GUCY1A2: variants seen among roughly 807,000 people sequenced by gnomAD.
The protein encoded by GUCY1A2 is guanylate cyclase 1 soluble subunit alpha 2.
A neutral mutation model predicts 63.5 loss-of-function variants in GUCY1A2; 27 were observed. The ratio of observed to expected loss-of-function variants is 0.43; its 90% CI spans 0.31 to 0.59. The LOEUF (loss-of-function observed/expected upper bound fraction) is 0.59. Among genes scored for constraint, GUCY1A2 ranks in the 20% least tolerant of loss-of-function variants. The pLI is 0.11. For synonymous variants in GUCY1A2, 364 were observed against 343.5 expected (o/e 1.06, Z -0.66); for missense variants, 768 against 913.3 (o/e 0.84, Z 2.05).
chr11:106,922,154 T>C (rs150111212), intron 4 of GUCY1A2, among the ~76,000 whole-genome samples: 2 of 152,278 alleles, frequency 1.3e-5, no homozygotes, highest in East Asian at 3.9e-4. Context: ...CCACAGCATA[T>C]GGGAAATCAG....
chr11:106,954,496 T>A (rs566266912), intron 3 of GUCY1A2, among the ~76,000 whole-genome samples: 1 of 152,188 alleles, frequency 6.6e-6, no homozygotes, highest in African/African-American at 2.4e-5. Flanking sequence ...TGATCTAGGG[T>A]AGAGAGTTCC....
rs112453006 is a variant in GUCY1A2 at position 106,828,142 on chromosome 11, G to A, written c.1207-17664C>T. Among the ~76,000 whole-genome samples the A allele has an allele frequency of 5.9e-5, 9 of 151,522 alleles. 1 individual carries two copies. The highest frequency in any genetic ancestry group is 2.1e-4 in the South Asian group (1 of 4,820). On this transcript the variant is annotated intron_variant, in intron 4 of 7. Coordinates refer to ENST00000526355, the MANE Select transcript of GUCY1A2 (RefSeq NM_000855.3). ...GCATAATTCGCAAATATTTTCTCCC[G>A]TTCTGTTGTCTGTTTGTTGATTTTT...
At chr11:106,977,026 C>T (rs1468710274) in intron 3 of GUCY1A2, among the ~76,000 whole-genome samples, 1 of 152,150 alleles carries the variant, frequency 6.6e-6, no homozygotes, top group African/African-American at 2.4e-5. Context: ...CCAATATAAT[C>T]ATTATCTTTG....
chr11:106,689,436 G>T (rs1036164749), intron 7 of GUCY1A2, among the ~76,000 whole-genome samples: 2 of 151,982 alleles, frequency 1.3e-5, no homozygotes, highest in African/African-American at 4.8e-5. Flanking sequence ...ACATAATATA[G>T]TTGTATGCAA....
intron 6 of GUCY1A2, among the ~76,000 whole-genome samples, chr11:106,749,397 A>G (rs1197449215): frequency 6.6e-6 from 1 of 152,042 alleles, no homozygotes; most frequent in Admixed American, 6.6e-5. Context: ...GGAATCAATC[A>G]TGTTACATAA....
At chr11:106,806,393 T>C (rs1428446544) in intron 5 of GUCY1A2, among the ~76,000 whole-genome samples, 3 of 152,304 alleles carry the variant, frequency 2.0e-5, no homozygotes, top group East Asian at 1.9e-4. Flanking sequence ...ACTGCAACCA[T>C]GGCAGAATGG....
chr11:106,756,324 A>G (rs967253207), intron 6 of GUCY1A2, among the ~76,000 whole-genome samples: 6 of 152,244 alleles, frequency 3.9e-5, no homozygotes, highest in Middle Eastern at 3.4e-3. Flanking sequence ...GTGTCTTTTA[A>G]TTGGGGCATT....
intron 6 of GUCY1A2, among the ~76,000 whole-genome samples, chr11:106,775,842 T>C (rs1184130310): frequency 2.0e-5 from 3 of 152,154 alleles, no homozygotes; most frequent in African/African-American, 4.8e-5. Flanking sequence ...AGCAGAAATA[T>C]GGTAGATGAC....
intron 3 of GUCY1A2, among the ~76,000 whole-genome samples, chr11:106,947,062 C>A (rs571409597): frequency 2.6e-5 from 4 of 151,682 alleles, no homozygotes; most frequent in Non-Finnish European, 5.9e-5. Flanking sequence ...CTAAAAAATA[C>A]AAAAATTAGC....
At chr11:106,988,442 C>A (rs187746406) in intron 1 of GUCY1A2, among the ~76,000 whole-genome samples, 1 of 152,252 alleles carries the variant, frequency 6.6e-6, no homozygotes, top group East Asian at 1.9e-4. Context: ...CAGTTAAGAC[C>A]AGAATGACCT....
At position 107,017,990 on chromosome 11, in the gene GUCY1A2, G is replaced by T; in HGVS notation, c.66C>A (p.Ser22Arg). The T allele has an allele frequency of 1.4e-6, 2 of 1,461,134 alleles. No homozygotes were observed. The highest frequency in any genetic ancestry group is 1.8e-6 in the Non-Finnish European group (2 of 1,095,132). 90.5% of individuals were successfully genotyped at this position (1,461,134 alleles called of 1,614,324 possible). ...GGGGGCACTCCCCCTCCTCCTCCGG[G>T]CTGGTCTCCAGGTAGTCGGAGCCCA... ...SSLGSDYLET[S>R]PEEEGECPLS... Residue 22 changes from serine to arginine, a missense_variant, in exon 1 of 8, where the codon AGC (serine) becomes AGA (arginine). Ser to Arg is a moderately radical substitution (Grantham distance 110, BLOSUM62 -1). This residue lies in a region of GUCY1A2 where 496 missense variants were observed against 486.9 expected (regional missense o/e 1.02). Coordinates refer to ENST00000526355, the MANE Select transcript of GUCY1A2 (RefSeq NM_000855.3).
In GUCY1A2 at chr11:106,936,738, C is replaced by T. The variant is rs546815171; in HGVS notation, c.1206+2722G>A. ...CTTGATTTTTTTTTTTTATGGCAGA[C>T]GTAGTGGTTCATTGGTATTAAATGC... On this transcript the variant is annotated intron_variant, in intron 4 of 7. Transcript: ENST00000526355. 217 of 1,403,494 alleles carry T rather than the reference C, an allele frequency of 1.5e-4. 1 individual carries two copies. The South Asian group carries it at 1.9e-3, about 12-fold the overall frequency. 86.9% of individuals were successfully genotyped at this position (1,403,494 alleles called of 1,614,324 possible).
In GUCY1A2 at chr11:106,759,971, A is replaced by T. The variant is rs117648050; in HGVS notation, c.1836+16468T>A. ...AAAGGAGAAATCTGGACACAGATAC[A>T]TCCATGCCCACAGGGAGAATGCCAT... On this transcript the variant is annotated intron_variant, in intron 6 of 7. Transcript: ENST00000526355. Among the ~76,000 whole-genome samples the T allele has an allele frequency of 5.8e-3, 879 of 152,306 alleles. 7 individuals are homozygous for T. The highest frequency in any genetic ancestry group is 0.017 in the Middle Eastern group (5 of 294).
intron 6 of GUCY1A2, among the ~76,000 whole-genome samples, chr11:106,766,820 G>T (rs542245509): frequency 5.3e-5 from 8 of 152,124 alleles, no homozygotes; most frequent in African/African-American, 1.9e-4. Flanking sequence ...GTCAGTAAAA[G>T]ATTAAAAACC....
chr11:106,709,260 TAA>T, intron 6 of GUCY1A2, among the ~76,000 whole-genome samples: 1 of 57,706 alleles, frequency 1.7e-5, no homozygotes, highest in African/African-American at 1.1e-4. Flanking sequence ...ATAATATATA[TAA>T]ATATATTTAT....
intron 4 of GUCY1A2, among the ~76,000 whole-genome samples, chr11:106,913,986 C>CAAAAAAAAAAAAAAAAAA (rs11325847): frequency 2.5e-4 from 18 of 71,106 alleles, no homozygotes; most frequent in East Asian, 1.4e-3. Context: ...AATGAAAAAG[C>CAAAAAAAAAAAAAAAAAA]AAAAAAAAAA....
At chr11:107,008,165 A>G (rs1861697430) in intron 1 of GUCY1A2, among the ~76,000 whole-genome samples, 1 of 148,516 alleles carries the variant, frequency 6.7e-6, no homozygotes, top group South Asian at 2.1e-4. Context: ...TGTAATTCCA[A>G]CTACCCAGGA....
At chr11:106,700,058 T>C (rs1218250983) in intron 7 of GUCY1A2, among the ~76,000 whole-genome samples, 1 of 152,178 alleles carries the variant, frequency 6.6e-6, no homozygotes, top group Non-Finnish European at 1.5e-5. Context: ...AAAATATGTC[T>C]TAAATTTCCA....
intron 4 of GUCY1A2, among the ~76,000 whole-genome samples, chr11:106,868,156 T>G (rs79018566): frequency 0.023 from 3,462 of 152,158 alleles, 126 homozygotes; most frequent in African/African-American, 0.076. Context: ...ATCTAAAATT[T>G]GGTAGCTATA....
Sources: gnomAD v4.1 joint callset for allele counts (sites outside exome capture counted in the v4.1 genomes callset) on GRCh38, gnomAD v4.1.1 for gene constraint, gnomAD v4.1.1 regional missense constraint, MANE v1.5 for transcripts, NCBI Gene and HGNC (gene_info 2026-07-23, HGNC 2026-07-21) for gene names.